The following ANKFN1 variants were observed in gnomAD, a reference collection of about 807,000 sequenced individuals.
The protein encoded by ANKFN1 is ankyrin repeat and fibronectin type-III domain-containing protein 1.
Under a neutral mutation model 108.7 loss-of-function variants are expected in ANKFN1, and 74 were observed. The ratio of observed to expected loss-of-function variants is 0.68; its 90% CI spans 0.56 to 0.83. The LOEUF is 0.83. Ranked by LOEUF, ANKFN1 falls within the 40% of genes least tolerant of loss-of-function variation. The probability of loss-of-function intolerance (pLI) is 0.00; values close to 1 mark genes in which losing one functional copy is unlikely to be tolerated. For synonymous variants in ANKFN1, 547 were observed against 516.2 expected, an observed-to-expected ratio of 1.06 and a Z score of -0.81; for missense variants, 1,505 against 1,382.3, an observed-to-expected ratio of 1.09 and a Z score of -1.41.
intron 8 of ANKFN1, among the ~76,000 whole-genome samples, chr17:56,437,589 T>C (rs1438532184): frequency 1.3e-5 from 2 of 152,216 alleles, no homozygotes; most frequent in African/African-American, 4.8e-5. Flanking sequence ...TTTTGTTCTG[T>C]TTGTAATAAC....
chr17:56,087,230 C>T (rs1216720121), intron 4 of ANKFN1, among the ~76,000 whole-genome samples: 1 of 151,300 alleles, frequency 6.6e-6, no homozygotes, highest in Non-Finnish European at 1.5e-5. Context: ...AAGGCAATGG[C>T]TAAGCCTTAG....
Position 56,511,309 on chromosome 17 carries a change from C to T in ANKFN1, c.*40C>T. The stretch of plus-strand genomic sequence containing the variant: ...GCTGTCCACCCCTCCATGGCTGCTA[C>T]CTGCGTTTTACATCACCCTTACCCC... On this transcript the variant is annotated 3_prime_UTR_variant, in exon 21 of 21. Coordinates refer to ENST00000682825, the MANE Select transcript of ANKFN1 (RefSeq NM_001370326.1). The T allele has an allele frequency of 1.6e-5, 23 of 1,472,544 alleles. No homozygotes were observed. Among genetic ancestry groups the T allele is most frequent in the Non-Finnish European group, 2.1e-5 (23 of 1,111,374 alleles). 91.2% of individuals were successfully genotyped at this position (1,472,544 alleles called of 1,614,324 possible). A position where few individuals can be genotyped will look rare whatever the true frequency, so the allele number is the denominator to read the frequency against.
intron 8 of ANKFN1, among the ~76,000 whole-genome samples, chr17:56,391,752 T>C (rs2047444739): frequency 1.3e-5 from 2 of 152,186 alleles, no homozygotes; most frequent in Admixed American, 1.3e-4. Flanking sequence ...TAAGAGCTAC[T>C]AAGTGATGTT....
rs190270999 is a variant in ANKFN1 at position 56,455,857 on chromosome 17, T to A, written c.1208-1004T>A. ...AATATTTGTCCAATTAATGAATGTCTGTTTTCCCAGGCACTGACTTTTTGA... is the reference window on the plus strand; with the variant it reads ...AATATTTGTCCAATTAATGAATGTCAGTTTTCCCAGGCACTGACTTTTTGA... On this transcript the variant is annotated intron_variant, in intron 11 of 20. Coordinates refer to ENST00000682825, the MANE Select transcript of ANKFN1 (RefSeq NM_001370326.1). Among the ~76,000 whole-genome samples the A allele has an allele frequency of 3.9e-5, 6 of 152,352 alleles. No individual in the cohort carries two copies. In the East Asian group the frequency reaches 1.2e-3, roughly 29 times the overall value.
At chr17:56,094,744 T>A (rs934695334) in intron 4 of ANKFN1, among the ~76,000 whole-genome samples, 3 of 148,734 alleles carry the variant, frequency 2.0e-5, no homozygotes, top group South Asian at 2.1e-4. Flanking sequence ...ATGGTCTTGA[T>A]CTCCTGACTT....
intron 4 of ANKFN1, among the ~76,000 whole-genome samples, chr17:56,063,656 T>C (rs1905014395): frequency 6.6e-6 from 1 of 152,072 alleles, no homozygotes; most frequent in African/African-American, 2.4e-5. Flanking sequence ...TCTAACCTTT[T>C]ATCAAGGTTC....
intron 3 of ANKFN1, among the ~76,000 whole-genome samples, chr17:56,249,555 A>C (rs565888608): frequency 6.6e-6 from 1 of 152,224 alleles, no homozygotes; most frequent in Non-Finnish European, 1.5e-5. Context: ...TCCATATGGA[A>C]GAACAAAAGT....
At chr17:56,104,543 A>C (rs914380462) in intron 4 of ANKFN1, among the ~76,000 whole-genome samples, 1 of 152,200 alleles carries the variant, frequency 6.6e-6, no homozygotes. Context: ...ATAGAGAAGC[A>C]TAGTCCCCTG....
At chr17:56,072,292 A>G (rs561997582) in intron 4 of ANKFN1, among the ~76,000 whole-genome samples, 3 of 151,994 alleles carry the variant, frequency 2.0e-5, no homozygotes, top group South Asian at 2.1e-4. Context: ...TCTTTCATTC[A>G]TTTCCTTTTT....
intron 4 of ANKFN1, among the ~76,000 whole-genome samples, chr17:56,328,344 T>A (rs772752502): frequency 3.9e-5 from 6 of 152,152 alleles, no homozygotes; most frequent in Non-Finnish European, 7.4e-5. Context: ...CCCCCAAAAT[T>A]TGTCCCATCT....
chr17:56,451,509 G>A (rs1337423361), intron 11 of ANKFN1, among the ~76,000 whole-genome samples: 1 of 151,924 alleles, frequency 6.6e-6, no homozygotes. Context: ...AATACTATGT[G>A]GTTTATTGGG....
chr17:56,294,881 C>T (rs2044463518), intron 3 of ANKFN1, among the ~76,000 whole-genome samples: 1 of 152,184 alleles, frequency 6.6e-6, no homozygotes, highest in Non-Finnish European at 1.5e-5. Context: ...TTTCACAAGG[C>T]ATTTTGATGG....
At chr17:56,157,052 A>G (rs537319550) in intron 1 of ANKFN1, among the ~76,000 whole-genome samples, 84 of 152,328 alleles carry the variant, frequency 5.5e-4, no homozygotes, top group Non-Finnish European at 9.1e-4. Flanking sequence ...TGGCCTCTCT[A>G]GGTCTCCAAA....
chr17:56,270,587 TGCCCTCC>T (rs1257816144), intron 3 of ANKFN1, among the ~76,000 whole-genome samples: 5 of 152,180 alleles, frequency 3.3e-5, no homozygotes, highest in African/African-American at 1.2e-4. Context: ...AATCAGAGCA[TGCCCTCC>T]CCTGGCTTAT....
chr17:56,512,788 A>G lies in ANKFN1; in HGVS notation c.*1519A>G, dbSNP rs533895603. ...CTTCCATTTTAAAAACATTTGATTT[A>G]AACATAAATAATTACCCTGCTGCAA... On this transcript the variant is annotated 3_prime_UTR_variant, in exon 21 of 21. Transcript: ENST00000682825. Among the ~76,000 whole-genome samples the G allele has an allele frequency of 2.6e-5, 4 of 152,356 alleles. No individual in the cohort carries two copies. Among genetic ancestry groups the G allele is most frequent in the African/African-American group, 7.2e-5 (3 of 41,584 alleles).
At chr17:56,204,982 A>C (rs1480496597) in intron 1 of ANKFN1, among the ~76,000 whole-genome samples, 1 of 152,184 alleles carries the variant, frequency 6.6e-6, no homozygotes, top group Non-Finnish European at 1.5e-5. Flanking sequence ...AGGCTGAGGC[A>C]GGGGAATGGT....
chr17:56,262,752 G>A (rs1311381967), intron 3 of ANKFN1, among the ~76,000 whole-genome samples: 1 of 152,162 alleles, frequency 6.6e-6, no homozygotes, highest in Non-Finnish European at 1.5e-5. Context: ...AAATGAGGAT[G>A]GAAGAACCAT....
chr17:56,362,561 A>T (rs2046550345), intron 6 of ANKFN1, among the ~76,000 whole-genome samples: 1 of 152,208 alleles, frequency 6.6e-6, no homozygotes, highest in South Asian at 2.1e-4. Flanking sequence ...AGAAGAATGA[A>T]ACTGGACCCT....
chr17:56,335,368 A>G (rs1429394556), intron 4 of ANKFN1, among the ~76,000 whole-genome samples: 2 of 152,098 alleles, frequency 1.3e-5, no homozygotes, highest in Non-Finnish European at 2.9e-5. Context: ...CTCTTCTTCC[A>G]TTTGTTTCTG....
Sources: allele counts gnomAD v4.1 joint callset (sites outside exome capture counted in the v4.1 genomes callset), GRCh38; gene constraint gnomAD v4.1.1; transcripts MANE v1.5; gene names NCBI Gene and HGNC (gene_info 2026-07-23, HGNC 2026-07-21).